Variants in USP15 observed in about 807,000 individuals in gnomAD.
The protein encoded by USP15 is ubiquitin carboxyl-terminal hydrolase 15.
USP15 carries 18 observed loss-of-function variants against 127.1 expected under a neutral mutation model. The ratio of observed to expected loss-of-function variants is 0.14; its 90% CI spans 0.10 to 0.21. USP15 has a LOEUF of 0.21. Among genes scored for constraint, USP15 ranks in the 10% least tolerant of loss-of-function variants. USP15 has a pLI of 1.00. For missense variants in USP15, 805 were observed against 1,159.9 expected (o/e 0.69, Z 4.44); for synonymous variants, 364 against 393.7 (o/e 0.92, Z 0.89).
intron 1 of USP15, among the ~76,000 whole-genome samples, chr12:62,263,462 A>G (rs551061502): frequency 3.3e-5 from 5 of 152,216 alleles, no homozygotes; most frequent in Non-Finnish European, 5.9e-5. Flanking sequence ...CTAGGCAAGT[A>G]TAAAGATTTA....
At chr12:62,319,301 A>C (rs2064920700) in intron 4 of USP15, among the ~76,000 whole-genome samples, 1 of 152,192 alleles carries the variant, frequency 6.6e-6, no homozygotes, top group Non-Finnish European at 1.5e-5. Context: ...GTCATCTCCC[A>C]CCAGGTGCCT....
At chr12:62,293,437 A>G (rs376977077) in intron 1 of USP15, among the ~76,000 whole-genome samples, 1 of 152,034 alleles carries the variant, frequency 6.6e-6, no homozygotes, top group African/African-American at 2.4e-5. Context: ...GCTCACTGCA[A>G]CCTCTGCCTC....
rs192682185 is a variant in USP15, at chr12:62,383,115, A to G, written c.1090-725A>G. ...AGGAATGCAAAACAAAATATAATTC[A>G]TATATATTCCTGTTGTTCGTGTATA... is the stretch of plus-strand genomic sequence containing the variant. On this transcript the variant is annotated intron_variant, in intron 9 of 21. Transcript: ENST00000280377. Among the ~76,000 whole-genome samples the G allele has an allele frequency of 7.2e-5, 11 of 152,018 alleles. No homozygotes were observed. The East Asian group carries it at 1.9e-3, about 27-fold the overall frequency.
At chr12:62,335,441 G>GCT in intron 6 of USP15, 1 of 1,356,266 alleles carries the variant, frequency 7.4e-7, no homozygotes, top group East Asian at 2.8e-5. Context: ...TCCATCCTTA[G>GCT]CTCTCTGATC....
intron 1 of USP15, among the ~76,000 whole-genome samples, chr12:62,281,308 T>A (rs2063641548): frequency 1.3e-5 from 2 of 152,152 alleles, no homozygotes; most frequent in South Asian, 4.1e-4. Flanking sequence ...CACTATACAT[T>A]GTTTCTGGAG....
At chr12:62,317,328 C>T (rs1217098810) in intron 4 of USP15, among the ~76,000 whole-genome samples, 1 of 152,118 alleles carries the variant, frequency 6.6e-6, no homozygotes, top group African/African-American at 2.4e-5. Flanking sequence ...TGAAGTTAAA[C>T]AAGCAGGTAT....
intron 2 of USP15, among the ~76,000 whole-genome samples, chr12:62,295,717 AG>A (rs2064111046): frequency 6.6e-6 from 1 of 152,232 alleles, no homozygotes; most frequent in Non-Finnish European, 1.5e-5. Context: ...GGGTGAGACT[AG>A]ATTAAAAAGT....
At chr12:62,264,989 G>A (rs960009812) in intron 1 of USP15, among the ~76,000 whole-genome samples, 1 of 152,104 alleles carries the variant, frequency 6.6e-6, no homozygotes, top group Admixed American at 6.5e-5. Flanking sequence ...GTGACCTTAA[G>A]GCATGTTTCA....
rs768518802 is a variant in USP15 at position 62,355,316 on chromosome 12, T to TG, written c.771-15_771-14insG. 6.4e-6 allele frequency: 10 copies of TG among 1,568,962 alleles called. No homozygotes were observed. The East Asian group carries it at 2.3e-4, about 35-fold the overall frequency. ...AATATAATTGGCTGCATTATGAAAA[T>TG]TTTTTTTCTTCCAGTGTGAAAAACT... On this transcript the variant is annotated splice_polypyrimidine_tract_variant and intron_variant, in intron 7 of 21. Coordinates refer to ENST00000280377, the MANE Select transcript of USP15 (RefSeq NM_001252078.2).
chr12:62,395,488 G>A (rs552055295), intron 19 of USP15, among the ~76,000 whole-genome samples: 9 of 151,966 alleles, frequency 5.9e-5, no homozygotes, highest in South Asian at 4.2e-4. Flanking sequence ...AGCGTTTATC[G>A]TTTGTGTTAT....
At chr12:62,303,134 T>C (rs2064365989) in intron 3 of USP15, 1 of 395,820 alleles carries the variant, frequency 2.5e-6, no homozygotes, top group South Asian at 3.8e-5. Flanking sequence ...ATTAATCCTC[T>C]ATATATAGAG....
At chr12:62,325,165 T>C (rs977747089) in intron 5 of USP15, among the ~76,000 whole-genome samples, 1 of 152,002 alleles carries the variant, frequency 6.6e-6, no homozygotes, top group African/African-American at 2.4e-5. Flanking sequence ...CTGGACGATA[T>C]AAGGAAAGAT....
rs1376847226 is a variant in USP15, at chr12:62,349,294, A to C, written c.757A>C (p.Met253Leu). The C allele has an allele frequency of 6.7e-7, 1 of 1,487,494 alleles. No individual in the cohort carries two copies. Among genetic ancestry groups the C allele is most frequent in the Non-Finnish European group, 8.9e-7 (1 of 1,122,052 alleles). The allele number at this position is 1,487,494 out of a possible 1,614,324, so 92.1% of individuals were successfully genotyped here. ...PSSLSNNYNNMNNRNVKNSNY... is the reference protein window; with the variant it reads ...PSSLSNNYNNLNNRNVKNSNY... ...ATCTCTATCAAATAATTATAACAACATGAACAACAGAAAGTAAGCACTGAA... is the reference window on the plus strand; with the variant it reads ...ATCTCTATCAAATAATTATAACAACCTGAACAACAGAAAGTAAGCACTGAA... The change falls in exon 7 of 22, where the codon ATG becomes CTG. Residue 253 changes from methionine (M) to leucine (L), a missense_variant. Coordinates refer to ENST00000280377, the MANE Select transcript of USP15 (RefSeq NM_001252078.2).
intron 6 of USP15, chr12:62,335,641 A>G (rs532904884): frequency 2.0e-6 from 2 of 988,774 alleles, no homozygotes; most frequent in African/African-American, 1.7e-5. Context: ...CCCTCAGCCT[A>G]TGAATATAAA....
At chr12:62,381,739 A>C in intron 9 of USP15, 76 bp downstream of exon 9, 1 of 1,431,204 alleles carries the variant, frequency 7.0e-7, no homozygotes, top group Non-Finnish European at 9.5e-7. Flanking sequence ...AGGGGGAGTG[A>C]AAAATAGTAG....
At chr12:62,269,098 G>A (rs994911961) in intron 1 of USP15, among the ~76,000 whole-genome samples, 3 of 152,052 alleles carry the variant, frequency 2.0e-5, no homozygotes, top group African/African-American at 7.2e-5. Context: ...TTTTACTGCT[G>A]AATGATACAG....
chr12:62,336,612 C>G, intron 6 of USP15: 1 of 518,432 alleles, frequency 1.9e-6, no homozygotes, highest in Non-Finnish European at 2.5e-6. Flanking sequence ...AATAACAGTA[C>G]AAAACCATTG....
chr12:62,364,830 T>C (rs1565888876), intron 8 of USP15, among the ~76,000 whole-genome samples: 1 of 152,130 alleles, frequency 6.6e-6, no homozygotes, highest in Non-Finnish European at 1.5e-5. Context: ...TCTGTTGTGA[T>C]AGTTTGCTGA....
At chr12:62,358,492 A>C (rs1220429124) in intron 8 of USP15, among the ~76,000 whole-genome samples, 5 of 152,192 alleles carry the variant, frequency 3.3e-5, no homozygotes, top group Non-Finnish European at 5.9e-5. Flanking sequence ...AGGCGAGTGG[A>C]TCACCTGAAG....
Sources: gnomAD v4.1 joint callset for allele counts (sites outside exome capture counted in the v4.1 genomes callset) on GRCh38, gnomAD v4.1.1 for gene constraint, MANE v1.5 for transcripts, NCBI Gene and HGNC (gene_info 2026-07-23, HGNC 2026-07-21) for gene names.